The following ENO4 variants were observed in gnomAD, a reference collection of about 807,000 sequenced individuals.
The protein encoded by ENO4 is enolase 4.
Under a neutral mutation model 63.2 loss-of-function variants are expected in ENO4, and 53 were observed. That is an observed-to-expected ratio of 0.84 (90% CI 0.67 to 1.05). The LOEUF (loss-of-function observed/expected upper bound fraction) is 1.05. Among genes scored for constraint, ENO4 ranks in the 50% least tolerant of loss-of-function variants. The pLI, the probability that ENO4 is intolerant of heterozygous loss-of-function variation, is 0.00. For synonymous variants in ENO4, 266 were observed against 283.8 expected, an observed-to-expected ratio of 0.94 and a Z score of 0.63; for missense variants, 719 against 772.0, an observed-to-expected ratio of 0.93 and a Z score of 0.81.
chr10:116,889,402 T>C (rs1313380375), intron 10 of ENO4, among the ~76,000 whole-genome samples: 1 of 152,232 alleles, frequency 6.6e-6, no homozygotes, highest in Admixed American at 6.5e-5. Context: ...GGCTACAATT[T>C]GAGAACCCCT....
intron 8 of ENO4, among the ~76,000 whole-genome samples, chr10:116,869,949 T>C (rs1213719706): frequency 2.0e-5 from 3 of 152,186 alleles, no homozygotes; most frequent in Non-Finnish European, 4.4e-5. Context: ...GTATTTACTT[T>C]ATGTAATGTG....
At chr10:116,900,264 T>C in intron 10 of ENO4, 1 of 453,744 alleles carries the variant, frequency 2.2e-6, no homozygotes, top group South Asian at 3.9e-5. Context: ...TATTAGAGCT[T>C]TAAGTAGATA....
rs1846685521 is a variant in ENO4, at chr10:116,871,167, A to C, written c.1090A>C (p.Ile364Leu). ...GATGTCTCATCTTGGCTGTTTAACCATTAACTGTGACTCCATAGAACAGCC... is the reference window on the plus strand; with the variant it reads ...GATGTCTCATCTTGGCTGTTTAACCCTTAACTGTGACTCCATAGAACAGCC... ...GKMSHLGCLT[I>L]NCDSIEQPLL... is the part of the protein sequence containing the mutation. Residue 364 changes from isoleucine (I) to leucine (L), a missense_variant, in exon 9 of 14, where the codon ATT becomes CTT. Coordinates refer to ENST00000341276, the MANE Select transcript of ENO4 (RefSeq NM_001242699.2). 1 of 1,550,344 alleles carries C rather than the reference A, an allele frequency of 6.5e-7. No homozygotes were observed.
At chr10:116,850,363 A>C (rs1402496667) in intron 1 of ENO4, 1 of 154,032 alleles carries the variant, frequency 6.5e-6, no homozygotes, top group Non-Finnish European at 1.4e-5. Context: ...CAGCCTCCCT[A>C]GGCAGCCTGT....
At chr10:116,907,714 C>T (rs1014060292) in intron 10 of ENO4, among the ~76,000 whole-genome samples, 7 of 152,200 alleles carry the variant, frequency 4.6e-5, no homozygotes, top group Non-Finnish European at 7.4e-5. Context: ...TGGGAGGCAG[C>T]GGAGGGAGGG....
chr10:116,898,205 G>A (rs1003733046), intron 10 of ENO4, among the ~76,000 whole-genome samples: 3 of 151,982 alleles, frequency 2.0e-5, no homozygotes, highest in Non-Finnish European at 4.4e-5. Context: ...GCAGGCACCT[G>A]TAATCACAGC....
chr10:116,869,078 CAAG>C (rs1846621475), intron 8 of ENO4, among the ~76,000 whole-genome samples: 1 of 152,190 alleles, frequency 6.6e-6, no homozygotes, highest in Non-Finnish European at 1.5e-5. Context: ...AAGAGAAAAA[CAAG>C]AAGCACAAAA....
intron 11 of ENO4, 37 bp from the exon 12 acceptor site, chr10:116,879,254 C>G: frequency 1.4e-6 from 2 of 1,479,574 alleles, no homozygotes; most frequent in Admixed American, 2.1e-5. Context: ...TCCTAACTTT[C>G]TACACCATAT....
intron 10 of ENO4, chr10:116,901,279 A>G (rs1847724559): frequency 1.0e-6 from 1 of 985,362 alleles, no homozygotes; most frequent in Non-Finnish European, 1.2e-6. Context: ...GTCTATACAG[A>G]TAACTCTTTA....
Position 116,881,770 on chromosome 10 carries a change from T to G in ENO4, c.*101T>G. The stretch of plus-strand genomic sequence containing the variant: ...TCCACATGGAGTTTCCTCTTCAACT[T>G]CACCAACTCTTGTGGTTTTTATTCT... On this transcript the variant is annotated 3_prime_UTR_variant, in exon 14 of 14. Coordinates refer to ENST00000341276, the MANE Select transcript of ENO4 (RefSeq NM_001242699.2). 1.2e-6 allele frequency: 1 copy of G among 863,504 alleles called. No individual in the cohort carries two copies. The highest frequency in any genetic ancestry group is 1.6e-6 in the Non-Finnish European group (1 of 623,230). 53.5% of individuals were successfully genotyped at this position (863,504 alleles called of 1,614,324 possible). A position where few individuals can be genotyped will look rare whatever the true frequency, so the allele number is the denominator to read the frequency against.
chr10:116,904,508 C>T (rs1434395815), intron 10 of ENO4, among the ~76,000 whole-genome samples: 1 of 151,712 alleles, frequency 6.6e-6, no homozygotes, highest in Non-Finnish European at 1.5e-5. Flanking sequence ...CAAGTCACTC[C>T]CTTAGTGTGT....
chr10:116,879,167 A>G, intron 11 of ENO4, 124 bp from the exon 12 acceptor site: 1 of 634,894 alleles, frequency 1.6e-6, no homozygotes, highest in Non-Finnish European at 2.7e-6. Flanking sequence ...AATCCTAGGT[A>G]GGCAAATAAT....
chr10:116,885,285 T>C (rs1185676395), downstream of ENO4: 1 of 152,644 alleles, frequency 6.6e-6, no homozygotes, highest in Non-Finnish European at 1.5e-5. Flanking sequence ...AAAAAGTGCA[T>C]TCAAGTACAT....
rs947478623 is a variant in ENO4 at position 116,879,896 on chromosome 10, A to G, written c.1633A>G (p.Lys545Glu). ...LAVGLGVRFIKLGGLSRGERV... is the reference protein window; with the variant it reads ...LAVGLGVRFIELGGLSRGERV... ...TGTTGGGCTTGGTGTCCGGTTCATC[A>G]AGTTGGGGGGTCTTTCCCGTGGTGA... Residue 545 changes from lysine (K) to glutamate (E), a missense_variant, in exon 13 of 14, where the codon AAG becomes GAG. By Grantham distance (56) the Lys-to-Glu change is moderately conservative. Transcript: ENST00000341276. The G allele has an allele frequency of 9.7e-6, 15 of 1,550,272 alleles. No individual in the cohort carries two copies. The highest frequency in any genetic ancestry group is 1.3e-5 in the Non-Finnish European group (15 of 1,146,948).
chr10:116,874,596 AG>A (rs1356403176), intron 10 of ENO4, among the ~76,000 whole-genome samples: 1 of 152,202 alleles, frequency 6.6e-6, no homozygotes, highest in Non-Finnish European at 1.5e-5. Context: ...TCATGTGCTC[AG>A]GGGAACAGGA....
chr10:116,870,575 G>C (rs188847563), intron 8 of ENO4, among the ~76,000 whole-genome samples: 16 of 152,166 alleles, frequency 1.1e-4, no homozygotes, highest in African/African-American at 3.9e-4. Flanking sequence ...TGGGGAAGTC[G>C]AGGCTGCAGA....
At chr10:116,861,232 A>C in intron 6 of ENO4, 42 bp downstream of exon 6, 1 of 514,090 alleles carries the variant, frequency 1.9e-6, no homozygotes, top group Non-Finnish European at 2.8e-6. Flanking sequence ...AAAAAAAAAA[A>C]AAAAATATAT....
rs534912425 is a variant in ENO4, at chr10:116,853,138, A to T, written c.166-2485A>T. ...GTGAAACCCTGTCTCTACTAAAAAT[A>T]CAAAAAATTAGCTGGGAGTGGTGTC... On this transcript the variant is annotated intron_variant, in intron 1 of 13. Coordinates refer to ENST00000341276, the MANE Select transcript of ENO4 (RefSeq NM_001242699.2). 2.6e-5 allele frequency among the ~76,000 whole-genome samples: 4 copies of T among 152,186 alleles called. No homozygotes were observed. In the South Asian group the frequency reaches 8.3e-4, roughly 32 times the overall value.
In ENO4 at chr10:116,891,911, G is replaced by T. The variant is rs1214856534; in HGVS notation, c.1194+11925G>T. On this transcript the variant is annotated intron_variant, in intron 10 of 10. Coordinates refer to the ENO4 transcript ENST00000369207. Reference sequence around the variant, plus strand: ...TTTCAAAACTTCATTTTAGCTCAAAGAACGTATTAAGTTTGTCAATTTGGG... The same window carrying T: ...TTTCAAAACTTCATTTTAGCTCAAATAACGTATTAAGTTTGTCAATTTGGG... Among the ~76,000 whole-genome samples, 3 of 152,232 alleles carry T rather than the reference G, an allele frequency of 2.0e-5. No homozygotes were observed. The East Asian group carries it at 5.8e-4, about 29-fold the overall frequency.
Sources: allele counts gnomAD v4.1 joint callset (sites outside exome capture counted in the v4.1 genomes callset), GRCh38; gene constraint gnomAD v4.1.1; transcripts MANE v1.5; gene names NCBI Gene and HGNC (gene_info 2026-07-23, HGNC 2026-07-21).